Variants in FSHR observed in about 807,000 individuals in gnomAD.
The protein encoded by FSHR is follicle-stimulating hormone receptor.
In FSHR, 46 loss-of-function variants were observed where a neutral mutation model predicts 52.1. That is an observed-to-expected ratio of 0.88 (90% CI 0.70 to 1.13). The LOEUF is 1.13. Ranked by LOEUF, FSHR falls within the 50% of genes most tolerant of loss-of-function variation. FSHR has a pLI of 0.00. For synonymous variants in FSHR, 399 were observed against 309.6 expected, an observed-to-expected ratio of 1.29 and a Z score of -3.03; for missense variants, 964 against 834.6, an observed-to-expected ratio of 1.16 and a Z score of -1.91.
intron 1 of FSHR, among the ~76,000 whole-genome samples, chr2:49,100,658 G>T (rs1290159945): frequency 6.6e-6 from 1 of 152,216 alleles, no homozygotes; most frequent in Admixed American, 6.5e-5. Context: ...GAGAGGGATA[G>T]ATCCCAGATC....
At chr2:48,986,393 CTT>C (rs34394877) in intron 6 of FSHR, among the ~76,000 whole-genome samples, 6 of 124,074 alleles carry the variant, frequency 4.8e-5, no homozygotes, top group Admixed American at 1.7e-4. Flanking sequence ...ATTTGCCATG[CTT>C]TTTTTTTTTT....
At chr2:49,058,115 T>C (rs1669132342) in intron 2 of FSHR, among the ~76,000 whole-genome samples, 1 of 152,188 alleles carries the variant, frequency 6.6e-6, no homozygotes, top group South Asian at 2.1e-4. Flanking sequence ...AATGTTACAA[T>C]AATTCCCACC....
intron 1 of FSHR, among the ~76,000 whole-genome samples, chr2:49,097,819 C>G (rs149869305): frequency 5.2e-4 from 79 of 152,190 alleles, no homozygotes; most frequent in African/African-American, 1.7e-3. Context: ...CTGGATTGAT[C>G]TAAGTTAGTG....
chr2:49,127,614 C>T (rs184443301), intron 1 of FSHR, among the ~76,000 whole-genome samples: 10 of 152,028 alleles, frequency 6.6e-5, no homozygotes, highest in South Asian at 2.1e-4. Context: ...TACTGACATC[C>T]GCACGATGAA....
At chr2:49,046,521 T>A (rs535587454) in intron 2 of FSHR, among the ~76,000 whole-genome samples, 6 of 152,332 alleles carry the variant, frequency 3.9e-5, no homozygotes, top group Admixed American at 3.9e-4. Flanking sequence ...TATGATCAGA[T>A]AAGACAATGC....
At chr2:49,114,937 C>G (rs1468290304) in intron 1 of FSHR, among the ~76,000 whole-genome samples, 2 of 151,864 alleles carry the variant, frequency 1.3e-5, no homozygotes, top group African/African-American at 4.8e-5. Context: ...AAAAAGCAAT[C>G]ATTGCCCAGT....
chr2:49,060,359 A>G (rs142827129), intron 2 of FSHR, among the ~76,000 whole-genome samples: 5 of 152,266 alleles, frequency 3.3e-5, no homozygotes, highest in Non-Finnish European at 5.9e-5. Context: ...ACAAAAACAA[A>G]AACTCAGTAT....
At chr2:49,069,563 G>A (rs76983680) in intron 1 of FSHR, among the ~76,000 whole-genome samples, 1,748 of 152,090 alleles carry the variant, frequency 0.011, 37 homozygotes, top group African/African-American at 0.04. Context: ...AGTTCCATGA[G>A]GGCAAAAATG....
chr2:48,985,174 C>T (rs1030396186), intron 6 of FSHR, among the ~76,000 whole-genome samples: 15 of 152,196 alleles, frequency 9.9e-5, no homozygotes, highest in Non-Finnish European at 1.8e-4. Flanking sequence ...TAAGGAGTTA[C>T]TGCATCACAG....
At chr2:49,080,113 T>C (rs1670111917) in intron 1 of FSHR, among the ~76,000 whole-genome samples, 1 of 152,188 alleles carries the variant, frequency 6.6e-6, no homozygotes, top group Non-Finnish European at 1.5e-5. Context: ...GATGTTCATC[T>C]TCAGTAGTAA....
chr2:49,133,575 G>A (rs1219834075), intron 1 of FSHR, among the ~76,000 whole-genome samples: 1 of 152,144 alleles, frequency 6.6e-6, no homozygotes, highest in African/African-American at 2.4e-5. Context: ...CTACTTTAAA[G>A]TTCATATGGA....
intron 2 of FSHR, among the ~76,000 whole-genome samples, chr2:49,032,571 A>G (rs149101310): frequency 6.6e-6 from 1 of 152,352 alleles, no homozygotes; most frequent in East Asian, 1.9e-4. Context: ...CTGACTTTCA[A>G]TGTTTCCTGC....
intron 6 of FSHR, among the ~76,000 whole-genome samples, chr2:48,984,054 T>G (rs1467534432): frequency 2.0e-5 from 3 of 152,210 alleles, no homozygotes; most frequent in Non-Finnish European, 4.4e-5. Flanking sequence ...TTCTTTTCCC[T>G]GTCCAGCTTA....
chr2:48,996,584 G>T (rs907588824), intron 4 of FSHR, among the ~76,000 whole-genome samples: 3 of 151,816 alleles, frequency 2.0e-5, no homozygotes, highest in Non-Finnish European at 4.4e-5. Flanking sequence ...ATATATTTTT[G>T]GCCATTTTAA....
At chr2:49,013,368 A>G (rs978669740) in intron 4 of FSHR, among the ~76,000 whole-genome samples, 2 of 150,882 alleles carry the variant, frequency 1.3e-5, no homozygotes, top group Non-Finnish European at 2.9e-5. Context: ...AAAATCTTTC[A>G]GATTTAGAGG....
chr2:49,055,885 C>A (rs60474178), intron 2 of FSHR, among the ~76,000 whole-genome samples: 3,067 of 152,062 alleles, frequency 0.02, 89 homozygotes, highest in African/African-American at 0.058. Flanking sequence ...ACAACTAGAC[C>A]TGCCAAACAA....
intron 2 of FSHR, among the ~76,000 whole-genome samples, chr2:49,038,354 G>A (rs143315286): frequency 0.012 from 1,777 of 152,170 alleles, 16 homozygotes; most frequent in Non-Finnish European, 0.017. Flanking sequence ...GTGCGCAGTG[G>A]CTCACGCCTG....
intron 1 of FSHR, among the ~76,000 whole-genome samples, chr2:49,142,865 T>A (rs1672739984): frequency 6.6e-6 from 1 of 152,092 alleles, no homozygotes. Context: ...GAGTGACAGT[T>A]TGGTGACATG....
chr2:49,110,157 T>C (rs1254292681), intron 1 of FSHR, among the ~76,000 whole-genome samples: 1 of 152,192 alleles, frequency 6.6e-6, no homozygotes, highest in African/African-American at 2.4e-5. Context: ...CAGCCAACAT[T>C]AACATGGTGC....
Sources: gnomAD v4.1 joint callset for allele counts (sites outside exome capture counted in the v4.1 genomes callset) on GRCh38, gnomAD v4.1.1 for gene constraint, MANE v1.5 for transcripts, NCBI Gene and HGNC (gene_info 2026-07-23, HGNC 2026-07-21) for gene names.